The following DLGAP3 variants were observed in gnomAD, a reference collection of about 807,000 sequenced individuals.
DLGAP3 encodes disks large-associated protein 3.
Under a neutral mutation model 81.2 loss-of-function variants are expected in DLGAP3, and 17 were observed. The ratio of observed to expected loss-of-function variants is 0.21; its 90% CI spans 0.14 to 0.31. DLGAP3 has a LOEUF of 0.31. DLGAP3 is among the 10% of genes least tolerant of loss of function. The probability of loss-of-function intolerance (pLI) is 1.00; values close to 1 mark genes in which losing one functional copy is unlikely to be tolerated. For missense variants in DLGAP3, 1,124 were observed against 1,388.0 expected (o/e 0.81, Z 3.02); for synonymous variants, 577 against 587.4 (o/e 0.98, Z 0.26).
chr1:34,869,968 T>C (rs1638954103), intron 8 of DLGAP3, among the ~76,000 whole-genome samples: 1 of 152,126 alleles, frequency 6.6e-6, no homozygotes. Flanking sequence ...TGCTAGAACA[T>C]CACAGGAAGA....
intron 5 of DLGAP3, among the ~76,000 whole-genome samples, chr1:34,888,559 T>C (rs1639268493): frequency 6.6e-6 from 1 of 152,230 alleles, no homozygotes; most frequent in Non-Finnish European, 1.5e-5. Context: ...TTAGATTCGT[T>C]GGTTCCAATG....
chr1:34,892,414 A>G (rs1639326144), intron 5 of DLGAP3, among the ~76,000 whole-genome samples: 1 of 152,206 alleles, frequency 6.6e-6, no homozygotes, highest in South Asian at 2.1e-4. Context: ...GAGGAGGGGA[A>G]AAAAAGAGGA....
intron 8 of DLGAP3, 87 bp from the exon 9 acceptor site, chr1:34,869,176 G>A: frequency 1.0e-6 from 1 of 989,378 alleles, no homozygotes; most frequent in Non-Finnish European, 1.5e-6. Flanking sequence ...GGAAGGGAAT[G>A]AGAAAGGGAA....
At position 34,917,404 on chromosome 1, in the gene DLGAP3, G is replaced by T. The variant is rs192180512; in HGVS notation, c.-134-9967C>A. 2.7e-3 allele frequency among the ~76,000 whole-genome samples: 394 copies of T among 148,670 alleles called. 4 individuals are homozygous for T. The highest frequency in any genetic ancestry group is 7.9e-3 in the African/African-American group (315 of 39,948). ...GCTCTGTCACCCAGGCCGGAGTGCA[G>T]TGGCACTGTCATGGCTCACTGCAGC... On this transcript the variant is annotated intron_variant, in intron 1 of 11. Transcript: ENST00000373347.
Position 34,904,674 on chromosome 1 carries a change from C to T in DLGAP3, c.710G>A (p.Arg237Gln). ...CTTGCTCTTGCTCCTCTTGCCGTGCCGGGACTGGTGGTGGTGGTGATGGTG... is the reference window on the plus strand; with the variant it reads ...CTTGCTCTTGCTCCTCTTGCCGTGCTGGGACTGGTGGTGGTGGTGATGGTG... Reference protein sequence around the residue: ...HHHHHHHHQSRHGKRSKSKDR... With the variant: ...HHHHHHHHQSQHGKRSKSKDR... The change falls in exon 3 of 12, where the codon CGG becomes CAG. Residue 237 changes from arginine to glutamine, a missense_variant. By Grantham distance (43) the Arg-to-Gln change is conservative (BLOSUM62 1). Transcript: ENST00000373347. This position sits in a 1 kb window ranked among gnomAD's most constrained non-coding sequence, Gnocchi z 8.1. The T allele has an allele frequency of 1.2e-6, 2 of 1,614,058 alleles. No individual in the cohort carries two copies. The highest frequency in any genetic ancestry group is 2.2e-5 in the East Asian group (1 of 44,860).
intron 1 of DLGAP3, among the ~76,000 whole-genome samples, chr1:34,928,705 C>T (rs1382183682): frequency 6.6e-6 from 1 of 152,082 alleles, no homozygotes; most frequent in Non-Finnish European, 1.5e-5. Flanking sequence ...CTCTCTCTCA[C>T]ACAGCCAACG....
At chr1:34,910,330 G>A (rs887722002) in intron 1 of DLGAP3, among the ~76,000 whole-genome samples, 4 of 152,168 alleles carry the variant, frequency 2.6e-5, no homozygotes, top group East Asian at 3.9e-4. Flanking sequence ...ATGTCTGCAC[G>A]TCTTCTCCTA....
chr1:34,906,869 G>A (rs1639563621), intron 2 of DLGAP3, among the ~76,000 whole-genome samples: 1 of 152,188 alleles, frequency 6.6e-6, no homozygotes, highest in Non-Finnish European at 1.5e-5. Context: ...CTCCAATCAG[G>A]ACTCCAGGAG....
intron 1 of DLGAP3, among the ~76,000 whole-genome samples, chr1:34,926,679 C>T (rs72894149): frequency 2.1e-3 from 317 of 152,182 alleles, no homozygotes; most frequent in African/African-American, 7.4e-3. Flanking sequence ...ATCACCTCAC[C>T]CCCAAAAAAC....
In DLGAP3 at chr1:34,873,279, A is replaced by G. The variant is rs185514080; in HGVS notation, c.2001-4190T>C. On this transcript the variant is annotated intron_variant, in intron 8 of 11. Transcript: ENST00000373347. This position sits in a 1 kb window ranked among gnomAD's most constrained non-coding sequence, Gnocchi z 4.2. ...ACAGAAGTCCCACCAGTTGACCCCA[A>G]TCATCACAATGAAGTGGGCGATGGG... 3.9e-5 allele frequency among the ~76,000 whole-genome samples: 6 copies of G among 152,320 alleles called. No homozygotes were observed. The East Asian group carries it at 5.8e-4, about 15-fold the overall frequency.
At chr1:34,913,829 G>A (rs116307246) in intron 1 of DLGAP3, among the ~76,000 whole-genome samples, 1,616 of 152,236 alleles carry the variant, frequency 0.011, 8 homozygotes, top group Non-Finnish European at 0.016. Flanking sequence ...GGAGAGTCCT[G>A]GAGAATCTGG....
At chr1:34,884,437 T>G (rs1639189200) in intron 8 of DLGAP3, among the ~76,000 whole-genome samples, 1 of 152,030 alleles carries the variant, frequency 6.6e-6, no homozygotes, top group Non-Finnish European at 1.5e-5. Context: ...AATGCCAGAA[T>G]AGTGGCTGCT....
chr1:34,877,318 G>T (rs1639073544), intron 8 of DLGAP3, among the ~76,000 whole-genome samples: 1 of 152,230 alleles, frequency 6.6e-6, no homozygotes. Context: ...CAGGAATGTG[G>T]CCTGGAAGGA....
intron 1 of DLGAP3, among the ~76,000 whole-genome samples, chr1:34,918,198 G>C (rs1218009795): frequency 6.6e-6 from 1 of 152,214 alleles, no homozygotes; most frequent in East Asian, 1.9e-4. Context: ...TGGAAATGAA[G>C]CAGCTTGGGA....
At chr1:34,909,107 T>G (rs959708743) in intron 1 of DLGAP3, among the ~76,000 whole-genome samples, 1 of 152,222 alleles carries the variant, frequency 6.6e-6, no homozygotes, top group African/African-American at 2.4e-5. Context: ...ATTTGCTCTG[T>G]GCATGGTGAC....
intron 8 of DLGAP3, among the ~76,000 whole-genome samples, chr1:34,870,319 ATAAACAGAAGATCAAGG>A (rs1438830898): frequency 2.0e-5 from 3 of 152,096 alleles, no homozygotes; most frequent in Non-Finnish European, 4.4e-5. Context: ...GAGGTGGGGG[ATAAACAGAAGATCAAGG>A]TTTGGAAATT....
At chr1:34,894,634 A>G (rs1437955901) in intron 5 of DLGAP3, among the ~76,000 whole-genome samples, 1 of 152,260 alleles carries the variant, frequency 6.6e-6, no homozygotes, top group Non-Finnish European at 1.5e-5. Flanking sequence ...TCCCACAATA[A>G]GCTAAACTGT....
rs1190992347 is a variant in DLGAP3 at position 34,895,917 on chromosome 1, TACACACACACA to T, written c.1386+3741_1386+3751del. ...CTGGACCCCTAACTTGAATCACACA[TACACACACACA>T]CACACACACACACACACACACACAC... is the stretch of plus-strand genomic sequence containing the variant. On this transcript the variant is annotated intron_variant, in intron 5 of 11. Transcript: ENST00000373347. The surrounding 1 kb of genome is among the most constrained non-coding windows in gnomAD (Gnocchi z 4.5). Among the ~76,000 whole-genome samples, 1 of 144,476 alleles carries T rather than the reference TACACACACACA, an allele frequency of 6.9e-6. No individual in the cohort carries two copies. Among genetic ancestry groups the T allele is most frequent in the African/African-American group, 2.6e-5 (1 of 38,132 alleles). 94.8% of individuals were successfully genotyped at this position (144,476 alleles called of 152,430 possible). A position where few individuals can be genotyped will look rare whatever the true frequency, so the allele number is the denominator to read the frequency against.
intron 8 of DLGAP3, among the ~76,000 whole-genome samples, chr1:34,875,242 A>G (rs1228563741): frequency 6.6e-6 from 1 of 152,208 alleles, no homozygotes; most frequent in Non-Finnish European, 1.5e-5. Context: ...AGAAATGACC[A>G]TAATGTTAAG....
Sources: allele counts gnomAD v4.1 joint callset (sites outside exome capture counted in the v4.1 genomes callset), GRCh38; gene constraint gnomAD v4.1.1; non-coding constraint Gnocchi (gnomAD v3.1); transcripts MANE v1.5; gene names NCBI Gene and HGNC (gene_info 2026-07-23, HGNC 2026-07-21).